The following SUSD4 variants were observed in gnomAD, a reference collection of about 807,000 sequenced individuals.
SUSD4 encodes sushi domain-containing protein 4.
A neutral mutation model predicts 50.5 loss-of-function variants in SUSD4; 41 were observed. The observed-to-expected ratio is 0.81, with a 90% confidence interval of 0.63 to 1.05. SUSD4 has a LOEUF of 1.05. Among genes scored for constraint, SUSD4 ranks in the 50% least tolerant of loss-of-function variants. The pLI is 0.00. For missense variants in SUSD4, 580 were observed against 634.7 expected (o/e 0.91, Z 0.93); for synonymous variants, 257 against 257.3 (o/e 1.00, Z 0.01).
chr1:223,364,916 GAC>G (rs1472153006), upstream of SUSD4, among the ~76,000 whole-genome samples: 1 of 152,144 alleles, frequency 6.6e-6, no homozygotes, highest in Non-Finnish European at 1.5e-5. The surrounding 1 kb of genome is among the most constrained non-coding windows in gnomAD (Gnocchi z 4.5). Context: ...GCGGCTGAGA[GAC>G]ACTCTCCCCC....
chr1:223,277,544 T>C lies in SUSD4; in HGVS notation c.362-8869A>G, dbSNP rs117477727. ...GTCCCTGGGTGTGCCCAGGCATAGG[T>C]TGAAATACCTATGCCTGGGCTCCCA... On this transcript the variant is annotated intron_variant, in intron 3 of 8. Transcript: ENST00000366878. Among the ~76,000 whole-genome samples, 826 of 151,972 alleles carry C rather than the reference T, an allele frequency of 5.4e-3. 42 individuals are homozygous for C. In the East Asian group the frequency reaches 0.12, roughly 21 times the overall value.
At chr1:223,268,013 T>TTTTATATATA (rs1553291076) in intron 4 of SUSD4, among the ~76,000 whole-genome samples, 1 of 53,346 alleles carries the variant, frequency 1.9e-5, no homozygotes, top group East Asian at 1.1e-3. Context: ...CATGCATTTT[T>TTTTATATATA]TATATATATA....
intron 2 of SUSD4, among the ~76,000 whole-genome samples, chr1:223,293,759 A>G (rs890669116): frequency 6.6e-6 from 1 of 152,020 alleles, no homozygotes; most frequent in Non-Finnish European, 1.5e-5. Flanking sequence ...ACAAGCAAAA[A>G]TGGACATCAT....
Position 223,222,232 on chromosome 1 carries a change from G to A in SUSD4, c.1445-12C>T, listed in dbSNP as rs767325768. 19 of 1,613,288 alleles carry A rather than the reference G, an allele frequency of 1.2e-5. No individual in the cohort carries two copies. In the African/African-American group the frequency reaches 1.9e-4, roughly 16 times the overall value. Reference sequence around the variant, plus strand: ...CATTAGAGGAATCTCTGTAAAAGAAGAGACGGTTATTAGCTTAACATAACC... The same window carrying A: ...CATTAGAGGAATCTCTGTAAAAGAAAAGACGGTTATTAGCTTAACATAACC... On this transcript the variant is annotated splice_polypyrimidine_tract_variant and intron_variant, in intron 8 of 8. Coordinates refer to ENST00000366878, the MANE Select transcript of SUSD4 (RefSeq NM_017982.4).
At chr1:223,251,208 T>C (rs1349439404) in intron 5 of SUSD4, among the ~76,000 whole-genome samples, 1 of 152,210 alleles carries the variant, frequency 6.6e-6, no homozygotes, top group South Asian at 2.1e-4. Flanking sequence ...AATTGGCTCA[T>C]GGTTCTGCAG....
intron 2 of SUSD4, among the ~76,000 whole-genome samples, chr1:223,325,694 T>C (rs573524963): frequency 6.6e-6 from 1 of 152,308 alleles, no homozygotes; most frequent in African/African-American, 2.4e-5. Context: ...AAAATCAATG[T>C]ACACACATCA....
intron 2 of SUSD4, among the ~76,000 whole-genome samples, chr1:223,358,440 G>A (rs1027828739): frequency 2.6e-5 from 4 of 152,192 alleles, no homozygotes; most frequent in South Asian, 2.1e-4. Flanking sequence ...AGTTCTATCC[G>A]TCCTATAAAG....
intron 3 of SUSD4, among the ~76,000 whole-genome samples, chr1:223,269,458 AACTGCATCT>A (rs1377561436): frequency 4.6e-5 from 7 of 152,296 alleles, no homozygotes; most frequent in African/African-American, 1.7e-4. Context: ...ACCCACTTCC[AACTGCATCT>A]ACTTCCAGTT....
intron 5 of SUSD4, among the ~76,000 whole-genome samples, chr1:223,245,226 ATG>A (rs1445388264): frequency 6.6e-6 from 1 of 150,982 alleles, no homozygotes; most frequent in African/African-American, 2.4e-5. Context: ...GACTTGTATT[ATG>A]TGTTTGTCTT....
Position 223,228,515 on chromosome 1 carries a change from TG to T in SUSD4, c.916+681del, listed in dbSNP as rs576304227. The stretch of plus-strand genomic sequence containing the variant: ...GCTGGAGAGAGTGGGAAGGAGACAG[TG>T]GGTGTGTGCTGGTGCCCCAGTCTCT... On this transcript the variant is annotated intron_variant, in intron 6 of 8. Transcript: ENST00000366878. 1.5e-3 allele frequency among the ~76,000 whole-genome samples: 231 copies of T among 152,306 alleles called. 2 individuals are homozygous for T. Among genetic ancestry groups the T allele is most frequent in the African/African-American group, 5.4e-3 (223 of 41,572 alleles).
chr1:223,344,802 G>C (rs575710479), intron 2 of SUSD4, among the ~76,000 whole-genome samples: 1 of 152,134 alleles, frequency 6.6e-6, no homozygotes, highest in Non-Finnish European at 1.5e-5. Context: ...ACACGTGGAG[G>C]GTAGGCAGAT....
Position 223,363,391 on chromosome 1 carries a change from C to A in SUSD4, c.35G>T (p.Gly12Val), listed in dbSNP as rs775716497. The A allele has an allele frequency of 1.3e-6, 2 of 1,581,964 alleles. No homozygotes were observed. Among genetic ancestry groups the A allele is most frequent in the Non-Finnish European group, 1.7e-6 (2 of 1,163,802 alleles). The part of the protein sequence containing the change: ...YHGMNPSNGD[G>V]FLEQQQQQQQ... ...CTGCTGCTGCTGCTGCTCTAGAAAT[C>A]CATCTCCATTGCTCGGGTTCATTCC... The change falls in exon 2 of 9, where the codon GGA becomes GTA. Residue 12 changes from glycine to valine, a missense_variant. Physicochemically the swap from Gly to Val is moderately radical, Grantham distance 109. Coordinates refer to ENST00000366878, the MANE Select transcript of SUSD4 (RefSeq NM_017982.4).
intron 2 of SUSD4, among the ~76,000 whole-genome samples, chr1:223,329,377 A>C (rs1274701210): frequency 6.6e-6 from 1 of 152,140 alleles, no homozygotes; most frequent in African/African-American, 2.4e-5. Context: ...TTCCAAAAAC[A>C]CTTTTGCCTG....
chr1:223,329,464 C>T (rs931871915), intron 2 of SUSD4, among the ~76,000 whole-genome samples: 1 of 152,208 alleles, frequency 6.6e-6, no homozygotes, highest in Admixed American at 6.5e-5. Flanking sequence ...TTCTAACTTT[C>T]CCTCCTCTAG....
In SUSD4 at chr1:223,332,430, T is replaced by C. The variant is rs972708133; in HGVS notation, c.148+30848A>G. Among the ~76,000 whole-genome samples the C allele has an allele frequency of 1.3e-5, 2 of 152,200 alleles. No individual in the cohort carries two copies. Among genetic ancestry groups the C allele is most frequent in the African/African-American group, 2.4e-5 (1 of 41,448 alleles). On this transcript the variant is annotated intron_variant, in intron 2 of 8. Transcript: ENST00000366878. This position sits in a 1 kb window ranked among gnomAD's most constrained non-coding sequence, Gnocchi z 4.0. ...TGAGGTCTCTTACAAAAATTGGATA[T>C]TTACTGCTGCTAGTATCTGTAACAA...
intron 5 of SUSD4, among the ~76,000 whole-genome samples, chr1:223,252,219 TAAAA>T (rs68004270): frequency 7.7e-6 from 1 of 129,078 alleles, no homozygotes; most frequent in Non-Finnish European, 1.6e-5. Context: ...AAAGTATAAT[TAAAA>T]AAAAAAAAAA....
At chr1:223,278,933 C>A (rs61837640) in intron 3 of SUSD4, among the ~76,000 whole-genome samples, 42,586 of 152,174 alleles carry the variant, frequency 0.28, 7,405 homozygotes, top group Non-Finnish European at 0.4. Flanking sequence ...CTGCAGCCTC[C>A]ACTGCTGATA....
At chr1:223,330,804 G>A (rs1266580858) in intron 2 of SUSD4, among the ~76,000 whole-genome samples, 5 of 152,172 alleles carry the variant, frequency 3.3e-5, no homozygotes, top group African/African-American at 4.8e-5. Context: ...TAGCTGGTGG[G>A]TTTCATGTAA....
chr1:223,352,762 C>T (rs1047242310), intron 2 of SUSD4, among the ~76,000 whole-genome samples: 3 of 152,158 alleles, frequency 2.0e-5, no homozygotes, highest in African/African-American at 4.8e-5. Flanking sequence ...CAGTCAACAA[C>T]AAGGATAAGC....
Sources: allele counts gnomAD v4.1 joint callset (sites outside exome capture counted in the v4.1 genomes callset), GRCh38; gene constraint gnomAD v4.1.1; non-coding constraint Gnocchi (gnomAD v3.1); transcripts MANE v1.5; gene names NCBI Gene and HGNC (gene_info 2026-07-23, HGNC 2026-07-21).